Variants in DHX30 observed in about 807,000 individuals in gnomAD.
DHX30 encodes ATP-dependent RNA helicase DHX30.
DHX30 carries 4 observed loss-of-function variants against 116.9 expected under a neutral mutation model. The observed-to-expected ratio is 0.03, with a 90% CI of 0.02 to 0.08. The LOEUF (loss-of-function observed/expected upper bound fraction) is 0.08, where lower values mean the gene tolerates loss of function less well. DHX30 is among the 10% of genes least tolerant of loss of function. The pLI is 1.00. For missense variants in DHX30, 871 were observed against 1,595.1 expected (o/e 0.55, Z 7.73); for synonymous variants, 697 against 651.7 (o/e 1.07, Z -1.06).
In DHX30 at chr3:47,825,479, G is replaced by A. The variant is rs901509400; in HGVS notation, c.125-1868G>A. ...CCCGGCAAGAATAGGTGAGAGGTGCGAGACCTCGAGGGAGTGGGGAAAACG... is the reference window on the plus strand; with the variant it reads ...CCCGGCAAGAATAGGTGAGAGGTGCAAGACCTCGAGGGAGTGGGGAAAACG... On this transcript the variant is annotated intron_variant, in intron 4 of 21. Coordinates refer to ENST00000445061, the MANE Select transcript of DHX30 (RefSeq NM_138615.3). Among the ~76,000 whole-genome samples the A allele has an allele frequency of 2.6e-5, 4 of 152,346 alleles. No individual in the cohort carries two copies. The East Asian group carries it at 5.8e-4, about 22-fold the overall frequency.
rs757269328 is a variant in DHX30, at chr3:47,841,164, A to T, written c.654A>T (p.Pro218=). ...TGACCCAGCAGGATTCCCACGCTCC[A>T]CTCAGGGACTCAAGGTACAGATGGA... ...LSMTQQDSHA[P]LRDSRGSSFE... Residue 218 remains proline, a synonymous_variant, in exon 7 of 22, where the codon CCA becomes CCT. Transcript: ENST00000445061. 1.3e-5 allele frequency: 21 copies of T among 1,613,632 alleles called. No homozygotes were observed. Among genetic ancestry groups the T allele is most frequent in the Non-Finnish European group, 1.6e-5 (19 of 1,179,994 alleles).
Position 47,847,646 on chromosome 3 carries a change from G to T in DHX30, c.2110+110G>T. ...GGCCCCGGTTTCTGACCAAGCTGTG[G>T]CACTTTTCACTGGGCATAGTGTTTA... On this transcript the variant is annotated intron_variant, in intron 13 of 21. Transcript: ENST00000445061. The surrounding 1 kb of genome is among the most constrained non-coding windows in gnomAD (Gnocchi z 5.5). 6.9e-7 allele frequency: 1 copy of T among 1,457,286 alleles called. No homozygotes were observed. The highest frequency in any genetic ancestry group is 9.2e-7 in the Non-Finnish European group (1 of 1,086,448). 90.3% of individuals were successfully genotyped at this position (1,457,286 alleles called of 1,614,324 possible).
chr3:47,848,897 G>A lies in DHX30; in HGVS notation c.2770-23G>A. 6.3e-7 allele frequency: 1 copy of A among 1,596,434 alleles called. No individual in the cohort carries two copies. Among genetic ancestry groups the A allele is most frequent in the Non-Finnish European group, 8.6e-7 (1 of 1,167,616 alleles). ...TTGTCTAGCCCCTGCCTGTGATCCG[G>A]CTGCCCTCTTCTCCCCTCCCAGGTG... On this transcript the variant is annotated intron_variant, in intron 17 of 21. Transcript: ENST00000445061. This position sits in a 1 kb window ranked among gnomAD's most constrained non-coding sequence, Gnocchi z 9.4.
intron 4 of DHX30, among the ~76,000 whole-genome samples, chr3:47,823,357 GTT>G (rs556494505): frequency 3.9e-5 from 5 of 128,008 alleles, no homozygotes; most frequent in Admixed American, 1.6e-4. Flanking sequence ...CCTGGTTGTT[GTT>G]TTTTTTTTTT....
intron 8 of DHX30, 117 bp from the exon 9 acceptor site, chr3:47,842,988 TG>T: frequency 7.7e-7 from 1 of 1,306,834 alleles, no homozygotes; most frequent in Non-Finnish European, 1.1e-6. Flanking sequence ...GGCTCACGCC[TG>T]GCACCTGCTG....
Position 47,848,831 on chromosome 3 carries a change from C to T in DHX30, c.2769+14C>T. Reference sequence around the variant, plus strand: ...GAGGTGGACAAGGTCAGTCCTGGCTCCTTCCTGGAGCCGTCCACCCACTGC... The same window carrying T: ...GAGGTGGACAAGGTCAGTCCTGGCTTCTTCCTGGAGCCGTCCACCCACTGC... On this transcript the variant is annotated intron_variant, in intron 17 of 21. Transcript: ENST00000445061. This position sits in a 1 kb window ranked among gnomAD's most constrained non-coding sequence, Gnocchi z 9.4. The T allele has an allele frequency of 6.2e-7, 1 of 1,604,912 alleles. No individual in the cohort carries two copies. Among genetic ancestry groups the T allele is most frequent in the Non-Finnish European group, 8.5e-7 (1 of 1,172,416 alleles).
At chr3:47,833,537 CAAAAAAAA>C (rs71070236) in intron 6 of DHX30, among the ~76,000 whole-genome samples, 1 of 62,458 alleles carries the variant, frequency 1.6e-5, no homozygotes, top group Non-Finnish European at 2.8e-5. Context: ...CTCTCTCTCT[CAAAAAAAA>C]AAAAAAAAAA....
chr3:47,813,575 G>A (rs922509543), intron 3 of DHX30, among the ~76,000 whole-genome samples: 4 of 152,208 alleles, frequency 2.6e-5, no homozygotes, highest in Admixed American at 2.0e-4. Flanking sequence ...TAAAGGGCCT[G>A]TAGCCCGTGT....
At chr3:47,844,911 G>A (rs1204257708) in intron 9 of DHX30, among the ~76,000 whole-genome samples, 2 of 152,194 alleles carry the variant, frequency 1.3e-5, no homozygotes, top group African/African-American at 4.8e-5. Flanking sequence ...GATGGGTCGG[G>A]TGCCATGTAG....
Position 47,805,318 on chromosome 3 carries a change from C to T in DHX30, c.-122-8C>T. The T allele has an allele frequency of 2.5e-6, 1 of 399,072 alleles. No individual in the cohort carries two copies. Among genetic ancestry groups the T allele is most frequent in the Non-Finnish European group, 4.4e-6 (1 of 226,062 alleles). The allele number at this position is 399,072 out of a possible 1,614,324, so 24.7% of individuals were successfully genotyped here. ...TCCACTGTATTGACTCAGCGTTGTA[C>T]TTCTCAGGAGGAGGCCCAGCCTCGT... On this transcript the variant is annotated splice_region_variant and splice_polypyrimidine_tract_variant and intron_variant, in intron 1 of 21. Transcript: ENST00000445061.
chr3:47,809,282 C>T (rs1171181277), intron 2 of DHX30, among the ~76,000 whole-genome samples: 3 of 122,770 alleles, frequency 2.4e-5, no homozygotes, highest in Non-Finnish European at 4.8e-5. Context: ...CACTCTGTCG[C>T]CCAGGCTGGA....
chr3:47,806,279 G>A (rs1414509660), intron 2 of DHX30, among the ~76,000 whole-genome samples: 1 of 151,378 alleles, frequency 6.6e-6, no homozygotes, highest in Non-Finnish European at 1.5e-5. Flanking sequence ...GAGTAGCTGG[G>A]ATTACAGGTG....
chr3:47,832,940 CTTTTTTTTT>C (rs752858732), intron 6 of DHX30, among the ~76,000 whole-genome samples: 4 of 118,724 alleles, frequency 3.4e-5, no homozygotes, highest in African/African-American at 3.2e-5. Context: ...TGCCTGGCCT[CTTTTTTTTT>C]TTTTTTTTTT....
In DHX30 at chr3:47,814,135, C is replaced by T. The variant is rs116761962; in HGVS notation, c.28+3424C>T. ...GAGATGGAAAGCCCAATAAAAATCA[C>T]GATCCTCAGCTGAGCGCGGTGGCTC... On this transcript the variant is annotated intron_variant, in intron 3 of 21. Coordinates refer to ENST00000445061, the MANE Select transcript of DHX30 (RefSeq NM_138615.3). 4.0e-3 allele frequency among the ~76,000 whole-genome samples: 613 copies of T among 151,650 alleles called. 5 individuals are homozygous for T. Among genetic ancestry groups the T allele is most frequent in the African/African-American group, 0.014 (585 of 41,352 alleles).
Position 47,841,187 on chromosome 3 carries a change from G to A in DHX30, c.668+9G>A, listed in dbSNP as rs772508130. On this transcript the variant is annotated intron_variant, in intron 7 of 21. Coordinates refer to ENST00000445061, the MANE Select transcript of DHX30 (RefSeq NM_138615.3). The stretch of plus-strand genomic sequence containing the variant: ...CCACTCAGGGACTCAAGGTACAGAT[G>A]GAGGATGGGGATGCAGCAGAGGCTG... 1.9e-6 allele frequency: 3 copies of A among 1,612,510 alleles called. No individual in the cohort carries two copies. In the South Asian group the frequency reaches 3.3e-5, roughly 18 times the overall value.
intron 4 of DHX30, chr3:47,824,766 G>A: frequency 2.6e-6 from 1 of 379,652 alleles, no homozygotes; most frequent in South Asian, 9.5e-5. Flanking sequence ...CCCCCCAACA[G>A]CCTCATTCCA....
chr3:47,846,806 G>T lies in DHX30; in HGVS notation c.1734G>T (p.Leu578=). 1 of 1,613,452 alleles carries T rather than the reference G, an allele frequency of 6.2e-7. No homozygotes were observed. The highest frequency in any genetic ancestry group is 8.5e-7 in the Non-Finnish European group (1 of 1,179,908). ...TDFLLILLKG[L]QRLNPALRLV... ...TTCTGCTGATCCTGCTCAAGGGCCT[G>T]CAGCGGCTCAACCCGGCCCTGCGGC... The change falls in exon 11 of 22, where the codon CTG becomes CTT. Residue 578 remains leucine, a synonymous_variant. Transcript: ENST00000445061.
chr3:47,839,057 G>A (rs557197073), intron 6 of DHX30, among the ~76,000 whole-genome samples: 1 of 151,594 alleles, frequency 6.6e-6, no homozygotes, highest in Non-Finnish European at 1.5e-5. Flanking sequence ...CTTATATTCC[G>A]AACTGCTTGA....
chr3:47,834,765 T>C (rs1422451487), intron 6 of DHX30, among the ~76,000 whole-genome samples: 1 of 152,102 alleles, frequency 6.6e-6, no homozygotes, highest in Non-Finnish European at 1.5e-5. Context: ...TGGCCAGATC[T>C]CCTCTTCTTT....
Sources: allele counts gnomAD v4.1 joint callset (sites outside exome capture counted in the v4.1 genomes callset), GRCh38; gene constraint gnomAD v4.1.1; non-coding constraint Gnocchi (gnomAD v3.1); transcripts MANE v1.5; gene names NCBI Gene and HGNC (gene_info 2026-07-23, HGNC 2026-07-21).